HVCN1: variants seen among roughly 807,000 people sequenced by gnomAD.
HVCN1 encodes the protein hydrogen voltage gated channel 1, also known as voltage-gated hydrogen channel 1.
A neutral mutation model predicts 29.2 loss-of-function variants in HVCN1; 14 were observed. The ratio of observed to expected loss-of-function variants is 0.48; its 90% confidence interval spans 0.32 to 0.75. HVCN1 has a LOEUF of 0.75. HVCN1 is among the 30% of genes least tolerant of loss of function. The pLI is 0.04. For missense variants in HVCN1, 263 were observed against 341.8 expected (o/e 0.77, Z 1.82); for synonymous variants, 131 against 133.2 (o/e 0.98, Z 0.11).
At chr12:110,653,765 T>C (rs1377634900) in intron 5 of HVCN1, among the ~76,000 whole-genome samples, 1 of 151,532 alleles carries the variant, frequency 6.6e-6, no homozygotes, top group Non-Finnish European at 1.5e-5. Context: ...TCGCTTGAAC[T>C]CAGGAGGCGG....
At chr12:110,656,085 G>A (rs974355000) in intron 4 of HVCN1, among the ~76,000 whole-genome samples, 4 of 152,186 alleles carry the variant, frequency 2.6e-5, no homozygotes, top group African/African-American at 9.7e-5. Context: ...ATTCAACACA[G>A]CCCTGCCTCG....
chr12:110,654,253 C>T (rs575107313), intron 5 of HVCN1, among the ~76,000 whole-genome samples: 2 of 151,992 alleles, frequency 1.3e-5, no homozygotes, highest in South Asian at 2.1e-4. Context: ...CTCTGAGAAA[C>T]ATGAAAACAA....
At chr12:110,690,913 C>A (rs1285423951), upstream of HVCN1, among the ~76,000 whole-genome samples, 2 of 151,704 alleles carry the variant, frequency 1.3e-5, no homozygotes, top group Admixed American at 1.3e-4. Context: ...TGCCACCACG[C>A]CTGGCTAATT....
chr12:110,677,792 G>A (rs2136401777), intron 3 of HVCN1, among the ~76,000 whole-genome samples: 1 of 152,292 alleles, frequency 6.6e-6, no homozygotes, highest in Admixed American at 6.5e-5. Flanking sequence ...CGTGACAGCT[G>A]ATCAGCTCTG....
intron 3 of HVCN1, among the ~76,000 whole-genome samples, chr12:110,672,368 G>A (rs1419858218): frequency 6.6e-6 from 1 of 152,130 alleles, no homozygotes; most frequent in Non-Finnish European, 1.5e-5. Context: ...TGCTTCAAGA[G>A]CCCTAAACCG....
At chr12:110,655,170 C>G (rs781519771) in intron 5 of HVCN1, 64 bp downstream of exon 5, 5 of 1,240,182 alleles carry the variant, frequency 4.0e-6, no homozygotes, top group Admixed American at 1.7e-5. Flanking sequence ...CTCTGCACCC[C>G]GTCTGTGCAG....
In HVCN1 at chr12:110,658,351, T is replaced by TG. The variant is rs1289174065; in HGVS notation, c.306+2812dup. On this transcript the variant is annotated intron_variant, in intron 4 of 7. Transcript: ENST00000242607. This position sits in a 1 kb window ranked among gnomAD's most constrained non-coding sequence, Gnocchi z 5.0. Reference sequence around the variant, plus strand: ...ACCACCTACTCCAGTGTGGCCTCACTGCTGCCACCAAGTCCCTCCACAAAT... The same window carrying TG: ...ACCACCTACTCCAGTGTGGCCTCACTGGCTGCCACCAAGTCCCTCCACAAAT... Among the ~76,000 whole-genome samples, 1 of 152,118 alleles carries TG rather than the reference T, an allele frequency of 6.6e-6. No individual in the cohort carries two copies. Among genetic ancestry groups the TG allele is most frequent in the Admixed American group, 6.6e-5 (1 of 15,266 alleles).
chr12:110,678,450 T>C (rs943676469), intron 3 of HVCN1, among the ~76,000 whole-genome samples: 4 of 109,470 alleles, frequency 3.7e-5, no homozygotes, highest in African/African-American at 8.1e-5. Context: ...TTTTTTTTTT[T>C]TTTTTTTTTT....
At chr12:110,675,084 T>A (rs1483436218) in intron 3 of HVCN1, among the ~76,000 whole-genome samples, 2 of 152,222 alleles carry the variant, frequency 1.3e-5, no homozygotes, top group Non-Finnish European at 1.5e-5. Flanking sequence ...AATTGATAAT[T>A]TCATATGATT....
At chr12:110,668,012 T>C (rs1286947770) in intron 3 of HVCN1, among the ~76,000 whole-genome samples, 1 of 152,146 alleles carries the variant, frequency 6.6e-6, no homozygotes, top group Non-Finnish European at 1.5e-5. Context: ...AAGATAGGGT[T>C]GATCAAGAGA....
In HVCN1 at chr12:110,668,676, A is replaced by G. The variant is rs553223702; in HGVS notation, c.22-7228T>C. On this transcript the variant is annotated intron_variant, in intron 3 of 7. Coordinates refer to ENST00000242607, the MANE Select transcript of HVCN1 (RefSeq NM_032369.4). ...ACACTGAGCTGTGTTTCTGTCACTT[A>G]TAACCCCAAAAGTCTACAGGTGGAG... Among the ~76,000 whole-genome samples the G allele has an allele frequency of 5.3e-3, 809 of 152,252 alleles. 3 individuals are homozygous for G. The highest frequency in any genetic ancestry group is 9.4e-3 in the Non-Finnish European group (642 of 68,016).
At chr12:110,668,235 C>A (rs1483433475) in intron 3 of HVCN1, among the ~76,000 whole-genome samples, 1 of 152,174 alleles carries the variant, frequency 6.6e-6, no homozygotes, top group Non-Finnish European at 1.5e-5. Context: ...GGCATGGTGA[C>A]TCACATCTGC....
At chr12:110,690,578 G>A (rs1368752108), upstream of HVCN1, among the ~76,000 whole-genome samples, 1 of 152,142 alleles carries the variant, frequency 6.6e-6, no homozygotes, top group East Asian at 1.9e-4. Flanking sequence ...CTGGGTTCAA[G>A]CAATTCTCCT....
chr12:110,689,558 T>C (rs2069352960), upstream of HVCN1: 2 of 153,872 alleles, frequency 1.3e-5, no homozygotes, highest in African/African-American at 2.4e-5. This position sits in a 1 kb window ranked among gnomAD's most constrained non-coding sequence, Gnocchi z 5.7. Flanking sequence ...CCCCTGCCTC[T>C]GGGTCTCCTG....
intron 2 of HVCN1, among the ~76,000 whole-genome samples, chr12:110,695,456 T>C (rs1449631988): frequency 2.0e-5 from 3 of 152,086 alleles, no homozygotes; most frequent in Non-Finnish European, 4.4e-5. Flanking sequence ...CTCAGGAGGC[T>C]GAGGCCAGAG....
chr12:110,651,066 G>A (rs879352359), intron 6 of HVCN1, 151 bp downstream of exon 6: 2 of 622,132 alleles, frequency 3.2e-6, no homozygotes, highest in South Asian at 1.9e-5. Context: ...AGAGGAAGAA[G>A]GGAGGAGAGG....
At chr12:110,697,583 G>T (rs970001420) in intron 2 of HVCN1, among the ~76,000 whole-genome samples, 3 of 151,958 alleles carry the variant, frequency 2.0e-5, no homozygotes, top group Non-Finnish European at 2.9e-5. Flanking sequence ...GACTAGCATA[G>T]CACCTGGAAT....
chr12:110,653,245 A>C (rs2067874016), intron 5 of HVCN1, among the ~76,000 whole-genome samples: 1 of 152,088 alleles, frequency 6.6e-6, no homozygotes, highest in Non-Finnish European at 1.5e-5. Context: ...GGATTGTTTG[A>C]GCCTGGGAGT....
chr12:110,661,383 C>A lies in HVCN1; in HGVS notation c.87G>T (p.Thr29=). ...ERMSKFLRHF[T]VVGDDYHAWN... is the part of the protein sequence containing the mutation. Reference sequence around the variant, plus strand: ...AGGCATGGTAGTCGTCTCCCACGACCGTGAAGTGCCTTAAGAACTTGCTCA... The same window carrying A: ...AGGCATGGTAGTCGTCTCCCACGACAGTGAAGTGCCTTAAGAACTTGCTCA... The change falls in exon 4 of 8, where the codon ACG becomes ACT. Residue 29 remains threonine (T), a synonymous_variant. Coordinates refer to ENST00000242607, the MANE Select transcript of HVCN1 (RefSeq NM_032369.4). This position sits in a 1 kb window ranked among gnomAD's most constrained non-coding sequence, Gnocchi z 6.2. The A allele has an allele frequency of 6.2e-7, 1 of 1,614,192 alleles. No homozygotes were observed. The highest frequency in any genetic ancestry group is 8.5e-7 in the Non-Finnish European group (1 of 1,180,024).
Sources: allele counts gnomAD v4.1 joint callset (sites outside exome capture counted in the v4.1 genomes callset), GRCh38; gene constraint gnomAD v4.1.1; non-coding constraint Gnocchi (gnomAD v3.1); transcripts MANE v1.5; gene names NCBI Gene and HGNC (gene_info 2026-07-23, HGNC 2026-07-21).